The following NCOA2 variants were observed in gnomAD, a reference collection of about 807,000 sequenced individuals.
NCOA2 encodes the protein nuclear receptor coactivator 2.
Under a neutral mutation model 145.1 loss-of-function variants are expected in NCOA2, and 21 were observed. The observed-to-expected ratio is 0.14, with a 90% CI of 0.10 to 0.21. NCOA2 has a LOEUF of 0.21. Among genes scored for constraint, NCOA2 ranks in the 10% least tolerant of loss-of-function variants. The probability of loss-of-function intolerance (pLI) is 1.00; values close to 1 mark genes in which losing one functional copy is unlikely to be tolerated. For missense variants in NCOA2, 1,472 were observed against 1,837.6 expected (o/e 0.80, Z 3.64); for synonymous variants, 619 against 637.5 (o/e 0.97, Z 0.44).
chr8:70,182,996 C>A (rs1374629885), intron 4 of NCOA2, among the ~76,000 whole-genome samples: 1 of 152,058 alleles, frequency 6.6e-6, no homozygotes. Context: ...TCATTCATTC[C>A]CTGATATGAT....
At chr8:70,281,568 A>G (rs904708451) in intron 2 of NCOA2, among the ~76,000 whole-genome samples, 2 of 152,038 alleles carry the variant, frequency 1.3e-5, no homozygotes, top group African/African-American at 4.8e-5. Context: ...AAAGCCTCTA[A>G]ACTAGGAAAC....
At chr8:70,283,326 C>T (rs759242930) in intron 2 of NCOA2, among the ~76,000 whole-genome samples, 100 of 152,138 alleles carry the variant, frequency 6.6e-4, no homozygotes, top group Non-Finnish European at 2.8e-4. Context: ...GATGTGTATT[C>T]GTAATACCAA....
intron 1 of NCOA2, among the ~76,000 whole-genome samples, chr8:70,306,491 G>A (rs994190182): frequency 1.3e-5 from 2 of 152,132 alleles, no homozygotes; most frequent in African/African-American, 4.8e-5. Flanking sequence ...AATAAAACTG[G>A]ATAGATCTTG....
chr8:70,403,169 A>G (rs1441321686), intron 1 of NCOA2, among the ~76,000 whole-genome samples: 3 of 150,764 alleles, frequency 2.0e-5, no homozygotes, highest in East Asian at 2.0e-4. Context: ...CCGCGCTTCC[A>G]TTAAAGAATG....
intron 4 of NCOA2, among the ~76,000 whole-genome samples, chr8:70,186,270 G>C (rs1479898466): frequency 6.6e-6 from 1 of 152,130 alleles, no homozygotes; most frequent in East Asian, 1.9e-4. Context: ...ACTACATAAA[G>C]AATAATATTT....
chr8:70,147,075 A>G (rs780952972), intron 12 of NCOA2, among the ~76,000 whole-genome samples: 2 of 152,020 alleles, frequency 1.3e-5, no homozygotes, highest in Non-Finnish European at 2.9e-5. Context: ...ATTGCCCAAG[A>G]AAGAGTGAGG....
intron 4 of NCOA2, among the ~76,000 whole-genome samples, chr8:70,211,535 G>A (rs1819028294): frequency 6.6e-6 from 1 of 152,042 alleles, no homozygotes; most frequent in African/African-American, 2.4e-5. Flanking sequence ...TACTATGACA[G>A]GTGTTTACTG....
intron 1 of NCOA2, among the ~76,000 whole-genome samples, chr8:70,336,932 T>C (rs1045942877): frequency 6.6e-6 from 1 of 152,012 alleles, no homozygotes; most frequent in Non-Finnish European, 1.5e-5. Flanking sequence ...GGAGGGGCCA[T>C]GTGAAGAGGG....
intron 1 of NCOA2, among the ~76,000 whole-genome samples, chr8:70,392,556 T>C (rs1220841326): frequency 6.6e-6 from 1 of 152,240 alleles, no homozygotes; most frequent in Non-Finnish European, 1.5e-5. Flanking sequence ...TAGAATTTCA[T>C]TATTTATCTA....
chr8:70,125,293 G>T (rs1256570809), intron 19 of NCOA2, among the ~76,000 whole-genome samples: 1 of 152,036 alleles, frequency 6.6e-6, no homozygotes, highest in Non-Finnish European at 1.5e-5. Context: ...GGTCTTGCTT[G>T]CTCTGTTGCC....
intron 12 of NCOA2, among the ~76,000 whole-genome samples, chr8:70,147,119 CGCGCGCGCGTGT>C (rs1563522164): frequency 1.3e-5 from 2 of 150,582 alleles, no homozygotes; most frequent in African/African-American, 4.9e-5. Flanking sequence ...TTCGCGCGCG[CGCGCGCGCGTGT>C]GTGTGTGTGT....
intron 1 of NCOA2, among the ~76,000 whole-genome samples, chr8:70,303,904 A>AC (rs775292907): frequency 4.6e-5 from 7 of 151,832 alleles, no homozygotes; most frequent in Non-Finnish European, 5.9e-5. Flanking sequence ...CAACCAATCC[A>AC]CCCCCACCTC....
At chr8:70,260,238 T>C (rs148909989) in intron 2 of NCOA2, among the ~76,000 whole-genome samples, 8 of 152,258 alleles carry the variant, frequency 5.3e-5, no homozygotes, top group African/African-American at 1.9e-4. Context: ...AGAACAGTGG[T>C]GTTATCACAG....
chr8:70,429,008 A>G, the NCOA2 span, among the ~76,000 whole-genome samples: 2 of 152,216 alleles, frequency 1.3e-5, no homozygotes, highest in African/African-American at 4.8e-5. Flanking sequence ...ATATTTAACT[A>G]TTTTGGAGTC....
intron 6 of NCOA2, among the ~76,000 whole-genome samples, chr8:70,167,312 A>G (rs1282424416): frequency 6.6e-6 from 1 of 152,176 alleles, no homozygotes; most frequent in African/African-American, 2.4e-5. Context: ...GCTCCATTGC[A>G]TCCATCTAAC....
chr8:70,453,331 T>A, the NCOA2 span, among the ~76,000 whole-genome samples: 1 of 152,204 alleles, frequency 6.6e-6, no homozygotes, highest in Non-Finnish European at 1.5e-5. Context: ...ATCCTACAGT[T>A]GCTGAGTGGT....
chr8:70,192,244 T>G (rs1447007106), intron 4 of NCOA2, among the ~76,000 whole-genome samples: 1 of 152,190 alleles, frequency 6.6e-6, no homozygotes, highest in Admixed American at 6.5e-5. Context: ...TAACAATCCT[T>G]ACTCCCCAAA....
At chr8:70,193,959 C>T (rs189620904) in intron 4 of NCOA2, among the ~76,000 whole-genome samples, 125 of 152,318 alleles carry the variant, frequency 8.2e-4, no homozygotes, top group Admixed American at 1.4e-3. Flanking sequence ...ATTTATTTTA[C>T]TCTTCTTCCT....
At chr8:70,257,148 G>A (rs915612655) in intron 2 of NCOA2, among the ~76,000 whole-genome samples, 4 of 152,120 alleles carry the variant, frequency 2.6e-5, no homozygotes, top group African/African-American at 9.7e-5. Flanking sequence ...AAGAACAGAA[G>A]AAATTTAAAC....
Sources: gnomAD v4.1 joint callset for allele counts (sites outside exome capture counted in the v4.1 genomes callset) on GRCh38, gnomAD v4.1.1 for gene constraint, MANE v1.5 for transcripts, NCBI Gene and HGNC (gene_info 2026-07-23, HGNC 2026-07-21) for gene names.